Variants in PDGFRA observed in about 807,000 individuals in gnomAD.
PDGFRA encodes the protein platelet-derived growth factor receptor alpha.
A neutral mutation model predicts 121.5 loss-of-function variants in PDGFRA; 25 were observed. The observed-to-expected ratio is 0.21, with a 90% confidence interval of 0.15 to 0.29. The LOEUF (loss-of-function observed/expected upper bound fraction) is 0.29. PDGFRA is among the 10% of genes least tolerant of loss of function. The pLI, the probability that PDGFRA is intolerant of heterozygous loss-of-function variation, is 1.00. For missense variants in PDGFRA, 1,008 were observed against 1,345.1 expected (o/e 0.75, Z 3.92); for synonymous variants, 463 against 494.8 (o/e 0.94, Z 0.85).
chr4:54,284,850 A>T (rs1355657810), intron 16 of PDGFRA, among the ~76,000 whole-genome samples: 3 of 144,142 alleles, frequency 2.1e-5, no homozygotes, highest in African/African-American at 7.7e-5. Flanking sequence ...GTTTCTGCAT[A>T]TCTCTTTCCT....
At chr4:54,266,912 G>T (rs1481573913) in intron 5 of PDGFRA, among the ~76,000 whole-genome samples, 2 of 152,180 alleles carry the variant, frequency 1.3e-5, no homozygotes, top group African/African-American at 4.8e-5. Context: ...AACCCAGGAG[G>T]TTGGGGCTGC....
In PDGFRA at chr4:54,288,846, A is replaced by C. The variant is rs1161645651; in HGVS notation, c.2722A>C (p.Lys908Gln). ...GMMVDSTFYNKIKSGYRMAKP... is the reference protein window; with the variant it reads ...GMMVDSTFYNQIKSGYRMAKP... ...GATGGTGGATTCTACTTTCTACAATAAGATCAAGAGTGGGTACCGGATGGC... is the reference window on the plus strand; with the variant it reads ...GATGGTGGATTCTACTTTCTACAATCAGATCAAGAGTGGGTACCGGATGGC... The change falls in exon 20 of 23, where the codon AAG becomes CAG. Residue 908 changes from lysine (K) to glutamine (Q), a missense_variant. Lys to Gln is a moderately conservative substitution (Grantham distance 53). Around this residue, in one of 5 missense-constraint regions of PDGFRA, gnomAD observed 204 missense variants for 243.0 expected, o/e 0.84. Coordinates refer to ENST00000257290, the MANE Select transcript of PDGFRA (RefSeq NM_006206.6). 6.2e-7 allele frequency: 1 copy of C among 1,613,678 alleles called. No individual in the cohort carries two copies.
chr4:54,251,324 A>G (rs1033945131), intron 1 of PDGFRA, among the ~76,000 whole-genome samples: 2 of 152,200 alleles, frequency 1.3e-5, no homozygotes, highest in Non-Finnish European at 2.9e-5. Context: ...TCCTTTGGAA[A>G]GTATTTACTG....
intron 13 of PDGFRA, 137 bp from the exon 14 acceptor site, chr4:54,277,759 G>A: frequency 1.4e-6 from 1 of 722,406 alleles, no homozygotes; most frequent in Non-Finnish European, 2.5e-6. Flanking sequence ...CTGAGGCCAA[G>A]TAGCTATCTG....
rs2110310670 is a variant in PDGFRA at position 54,277,889 on chromosome 4, T to C, written c.1892-7T>C. Reference sequence around the variant, plus strand: ...CTGGACTGATATGTGATTTATTCTTTCAACAGCCACGGCCAGATCCAGTGA... The same window carrying C: ...CTGGACTGATATGTGATTTATTCTTCCAACAGCCACGGCCAGATCCAGTGA... On this transcript the variant is annotated splice_region_variant and splice_polypyrimidine_tract_variant and intron_variant, in intron 13 of 22. Coordinates refer to ENST00000257290, the MANE Select transcript of PDGFRA (RefSeq NM_006206.6). The C allele has an allele frequency of 6.2e-7, 1 of 1,600,160 alleles. No individual in the cohort carries two copies. Among genetic ancestry groups the C allele is most frequent in the Non-Finnish European group, 8.6e-7 (1 of 1,167,344 alleles).
chr4:54,273,677 TG>T lies in PDGFRA; in HGVS notation c.1507del (p.Ala503LeufsTer12). ...KVEETIAVRC[L>X]AKNLLGAENR... is the part of the protein sequence containing the mutation. ...GAGGAGACCATCGCCGTGCGATGCC[TG>T]GCTAAGAATCTCCTTGGAGCTGAGA... On this transcript the variant is annotated frameshift_variant, in exon 10 of 23. Coordinates refer to ENST00000257290, the MANE Select transcript of PDGFRA (RefSeq NM_006206.6). LOFTEE classifies it high-confidence loss of function. 1 of 1,614,034 alleles carries T rather than the reference TG, an allele frequency of 6.2e-7. No individual in the cohort carries two copies. Among genetic ancestry groups the T allele is most frequent in the Non-Finnish European group, 8.5e-7 (1 of 1,180,038 alleles).
In PDGFRA at chr4:54,285,967, C is replaced by T. The variant is rs374253258; in HGVS notation, c.2562+4C>T. The T allele has an allele frequency of 5.3e-5, 86 of 1,613,590 alleles. No homozygotes were observed. Among genetic ancestry groups the T allele is most frequent in the Non-Finnish European group, 7.0e-5 (82 of 1,179,640 alleles). On this transcript the variant is annotated splice_donor_region_variant and intron_variant, in intron 18 of 22. Coordinates refer to ENST00000257290, the MANE Select transcript of PDGFRA (RefSeq NM_006206.6). ...GAACTATGTGTCGAAAGGCAGTGTA[C>T]GTCCTCACTTCCCTCACTGGTCAGG...
intron 16 of PDGFRA, chr4:54,281,458 A>G: frequency 2.0e-6 from 1 of 503,792 alleles, no homozygotes; most frequent in Non-Finnish European, 3.3e-6. Flanking sequence ...AGTTCCATTC[A>G]CTTCTCATTG....
chr4:54,269,965 T>A (rs12506290), intron 7 of PDGFRA, among the ~76,000 whole-genome samples: 22,136 of 151,964 alleles, frequency 0.15, 1,941 homozygotes, highest in Admixed American at 0.27. Flanking sequence ...AACTTTTTTT[T>A]AATAGGTGAT....
rs926191160 is a variant in PDGFRA at position 54,295,046 on chromosome 4, C to T, written c.3123-79C>T. 33 of 1,428,914 alleles carry T rather than the reference C, an allele frequency of 2.3e-5. No individual in the cohort carries two copies. In the East Asian group the frequency reaches 2.7e-4, roughly 12 times the overall value. 88.5% of individuals were successfully genotyped at this position (1,428,914 alleles called of 1,614,324 possible). A position where few individuals can be genotyped will look rare whatever the true frequency, so the allele number is the denominator to read the frequency against. ...CCCAAATTTGAATGCCAAAGGCTTT[C>T]GTTTGTCTCTGGGGGGCCACAGTCT... On this transcript the variant is annotated intron_variant, in intron 22 of 22. Transcript: ENST00000257290.
intron 4 of PDGFRA, 73 bp from the exon 5 acceptor site, chr4:54,264,846 A>C (rs920231065): frequency 1.0e-5 from 15 of 1,452,582 alleles, no homozygotes; most frequent in Middle Eastern, 1.8e-4. Flanking sequence ...AAAAAAAAAA[A>C]AAAAACCCAA....
intron 1 of PDGFRA, among the ~76,000 whole-genome samples, chr4:54,238,688 A>G (rs1721137504): frequency 6.6e-6 from 1 of 152,232 alleles, no homozygotes; most frequent in Non-Finnish European, 1.5e-5. Flanking sequence ...GTTGCAGGCC[A>G]GGTTTGGTGG....
rs369208271 is a variant in PDGFRA, at chr4:54,253,726, C to T, written c.-12-5031C>T. ...TTTAGATGGAGCCTTGCTCTGTTGC[C>T]CAGGCTGGAGTGCAGTGGTGTGATC... On this transcript the variant is annotated intron_variant, in intron 1 of 22. Transcript: ENST00000257290. Among the ~76,000 whole-genome samples, 55 of 152,168 alleles carry T rather than the reference C, an allele frequency of 3.6e-4. No homozygotes were observed. In the East Asian group the frequency reaches 0.01, roughly 28 times the overall value.
chr4:54,244,563 T>C (rs1395830381), intron 1 of PDGFRA, among the ~76,000 whole-genome samples: 2 of 151,996 alleles, frequency 1.3e-5, no homozygotes, highest in African/African-American at 2.4e-5. Flanking sequence ...CAAAAACCCA[T>C]CTGTACATCA....
At chr4:54,288,922 G>T in intron 20 of PDGFRA, 24 bp downstream of exon 20, 1 of 1,575,110 alleles carries the variant, frequency 6.3e-7, no homozygotes. Context: ...CCATCCCGGG[G>T]GCCTGTGTTC....
intron 1 of PDGFRA, among the ~76,000 whole-genome samples, chr4:54,242,149 G>C (rs1028582812): frequency 6.6e-6 from 1 of 152,156 alleles, no homozygotes; most frequent in African/African-American, 2.4e-5. Flanking sequence ...GGTGGCCTGG[G>C]TTCAGTTCCT....
intron 3 of PDGFRA, 144 bp downstream of exon 3, chr4:54,261,556 T>C (rs1338309582): frequency 1.5e-5 from 9 of 585,782 alleles, no homozygotes; most frequent in Non-Finnish European, 2.7e-5. Context: ...ACAAAAATCA[T>C]TTGTAATATT....
rs1577709665 is a variant in PDGFRA at position 54,263,859 on chromosome 4, A to G, written c.560A>G (p.Tyr187Cys). The G allele has an allele frequency of 1.2e-6, 2 of 1,613,866 alleles. No individual in the cohort carries two copies. The highest frequency in any genetic ancestry group is 1.7e-6 in the Non-Finnish European group (2 of 1,179,812). ...AATGGGACCTTCACTGTAGGGCCCTATATCTGTGAGGCCACCGTCAAAGGA... is the reference window on the plus strand; with the variant it reads ...AATGGGACCTTCACTGTAGGGCCCTGTATCTGTGAGGCCACCGTCAAAGGA... ...GFNGTFTVGP[Y>C]ICEATVKGKK... The change falls in exon 4 of 23, where the codon TAT (tyrosine) becomes TGT (cysteine). Residue 187 changes from tyrosine to cysteine, a missense_variant. This residue lies in a region of PDGFRA where 575 missense variants were observed against 701.8 expected (regional missense o/e 0.82). Coordinates refer to ENST00000257290, the MANE Select transcript of PDGFRA (RefSeq NM_006206.6).
chr4:54,290,202 G>C, intron 21 of PDGFRA, 111 bp from the exon 22 acceptor site: 1 of 876,930 alleles, frequency 1.1e-6, no homozygotes, highest in South Asian at 1.4e-5. Context: ...ACATCTTCCA[G>C]GTAGTTTGGA....
Sources: allele counts gnomAD v4.1 joint callset (sites outside exome capture counted in the v4.1 genomes callset), GRCh38; gene constraint gnomAD v4.1.1; regional missense constraint gnomAD v4.1.1; transcripts MANE v1.5; gene names NCBI Gene and HGNC (gene_info 2026-07-23, HGNC 2026-07-21).